Variants in GSG1L observed in about 807,000 individuals in gnomAD.
The protein encoded by GSG1L is germ cell-specific gene 1-like protein.
A neutral mutation model predicts 42.1 loss-of-function variants in GSG1L; 24 were observed. That is an observed-to-expected ratio of 0.57 (90% CI 0.41 to 0.80). The LOEUF (loss-of-function observed/expected upper bound fraction) is 0.80, where lower values mean the gene tolerates loss of function less well. Among genes scored for constraint, GSG1L ranks in the 30% least tolerant of loss-of-function variants. The probability of loss-of-function intolerance (pLI) is 0.00; values close to 1 mark genes in which losing one functional copy is unlikely to be tolerated. For synonymous variants in GSG1L, 215 were observed against 203.5 expected, an observed-to-expected ratio of 1.06 and a Z score of -0.48; for missense variants, 445 against 472.2, an observed-to-expected ratio of 0.94 and a Z score of 0.53.
chr16:27,948,609 CTTT>C (rs202151239), intron 2 of GSG1L, among the ~76,000 whole-genome samples: 1 of 116,602 alleles, frequency 8.6e-6, no homozygotes, highest in Admixed American at 9.5e-5. Context: ...TCTTCTTCTT[CTTT>C]TTTTTTTTTT....
At chr16:28,018,079 T>C (rs2085800173) in intron 1 of GSG1L, among the ~76,000 whole-genome samples, 1 of 152,216 alleles carries the variant, frequency 6.6e-6, no homozygotes, top group South Asian at 2.1e-4. Context: ...CCCAGAAATA[T>C]GATAGAGCCA....
intron 5 of GSG1L, among the ~76,000 whole-genome samples, chr16:27,818,205 G>A (rs575750377): frequency 5.3e-5 from 8 of 152,288 alleles, no homozygotes; most frequent in Middle Eastern, 3.4e-3. Context: ...CCTCCTTCCC[G>A]CCTCTGAAGC....
In GSG1L at chr16:27,896,501, A is replaced by G. The variant is rs146296579; in HGVS notation, c.398-11863T>C. On this transcript the variant is annotated intron_variant, in intron 2 of 6. Transcript: ENST00000447459. ...GGGTTGATGGGTGCAGCAAACCACC[A>G]TGGCACACGTTTACCTATGTAACAA... Among the ~76,000 whole-genome samples, 479 of 152,344 alleles carry G rather than the reference A, an allele frequency of 3.1e-3. 2 individuals carry two copies. Among genetic ancestry groups the G allele is most frequent in the African/African-American group, 0.011 (450 of 41,574 alleles).
intron 1 of GSG1L, among the ~76,000 whole-genome samples, chr16:28,008,096 T>C (rs1419401719): frequency 2.0e-5 from 3 of 152,138 alleles, no homozygotes; most frequent in African/African-American, 7.2e-5. Flanking sequence ...GTTTTTGTTT[T>C]TTTAGAGATT....
At chr16:27,907,696 A>G (rs756871178) in intron 2 of GSG1L, among the ~76,000 whole-genome samples, 7 of 152,360 alleles carry the variant, frequency 4.6e-5, no homozygotes, top group East Asian at 3.8e-4. Flanking sequence ...GCCAAGGCCA[A>G]TTATATCCCA....
At chr16:27,888,927 G>GATAGATATAGATGTAGAT (rs2084088162) in intron 2 of GSG1L, among the ~76,000 whole-genome samples, 1 of 142,110 alleles carries the variant, frequency 7.0e-6, no homozygotes, top group Non-Finnish European at 1.5e-5. Flanking sequence ...CTTGTGCTTA[G>GATAGATATAGATGTAGAT]ATAGATATAG....
At chr16:27,833,267 C>T (rs957346097) in intron 4 of GSG1L, among the ~76,000 whole-genome samples, 7 of 152,112 alleles carry the variant, frequency 4.6e-5, no homozygotes, top group Admixed American at 4.6e-4. Flanking sequence ...ACACAGTGAA[C>T]TGATTTGTAC....
intron 6 of GSG1L, among the ~76,000 whole-genome samples, chr16:27,794,789 G>A (rs2082799715): frequency 6.6e-6 from 1 of 152,172 alleles, no homozygotes; most frequent in Admixed American, 6.5e-5. Flanking sequence ...CCCAGCCTGT[G>A]TCTTCGTTCC....
chr16:27,822,101 G>A (rs904890576), intron 5 of GSG1L, among the ~76,000 whole-genome samples: 5 of 151,900 alleles, frequency 3.3e-5, no homozygotes, highest in African/African-American at 4.8e-5. Flanking sequence ...TGAGGGGGGC[G>A]GGGGCAGGGA....
intron 1 of GSG1L, among the ~76,000 whole-genome samples, chr16:28,024,123 C>T (rs185142980): frequency 1.3e-5 from 2 of 152,280 alleles, no homozygotes; most frequent in East Asian, 1.9e-4. Context: ...TGCCAAGATA[C>T]GAGGTTTTGC....
intron 2 of GSG1L, among the ~76,000 whole-genome samples, chr16:27,939,744 A>AG (rs2084764921): frequency 6.6e-6 from 1 of 152,210 alleles, no homozygotes; most frequent in African/African-American, 2.4e-5. Flanking sequence ...GGACCGAGGA[A>AG]GGGATGTCAG....
chr16:27,896,708 A>G (rs978042552), intron 2 of GSG1L, among the ~76,000 whole-genome samples: 7 of 152,218 alleles, frequency 4.6e-5, no homozygotes, highest in Admixed American at 1.3e-4. Flanking sequence ...AGAGACAGAG[A>G]AGGAGATGCA....
At chr16:27,829,160 C>T (rs1223923285) in intron 4 of GSG1L, among the ~76,000 whole-genome samples, 1 of 152,182 alleles carries the variant, frequency 6.6e-6, no homozygotes, top group Non-Finnish European at 1.5e-5. Flanking sequence ...CATTGTGATG[C>T]AGATGTAACA....
intron 1 of GSG1L, among the ~76,000 whole-genome samples, chr16:28,060,451 T>C (rs1422122722): frequency 2.6e-5 from 4 of 152,134 alleles, no homozygotes; most frequent in Admixed American, 2.6e-4. Context: ...GAGAGGAAAA[T>C]TGTGATTTTG....
At chr16:27,802,455 G>A (rs768686229) in intron 6 of GSG1L, among the ~76,000 whole-genome samples, 2 of 152,188 alleles carry the variant, frequency 1.3e-5, no homozygotes, top group South Asian at 2.1e-4. Flanking sequence ...AGGGAATGAC[G>A]GCCATCCCTG....
At chr16:28,037,452 C>A (rs1008296710) in intron 1 of GSG1L, among the ~76,000 whole-genome samples, 1 of 152,216 alleles carries the variant, frequency 6.6e-6, no homozygotes, top group African/African-American at 2.4e-5. Flanking sequence ...TCCAGTTCAT[C>A]AATGTCCCTC....
chr16:28,040,131 T>C lies in GSG1L; in HGVS notation c.349+22945A>G, dbSNP rs1483723541. ...TCACCCTTCTCCACACCCATCACCA[T>C]GGCCCTAGCTGCCATCGTCTCCTTC... On this transcript the variant is annotated intron_variant, in intron 1 of 6. Transcript: ENST00000447459. The surrounding 1 kb of genome is among the most constrained non-coding windows in gnomAD (Gnocchi z 4.1). Among the ~76,000 whole-genome samples the C allele has an allele frequency of 6.6e-6, 1 of 152,130 alleles. No homozygotes were observed. Among genetic ancestry groups the C allele is most frequent in the African/African-American group, 2.4e-5 (1 of 41,412 alleles).
At chr16:27,926,083 C>T (rs2084588921) in intron 2 of GSG1L, among the ~76,000 whole-genome samples, 1 of 152,170 alleles carries the variant, frequency 6.6e-6, no homozygotes, top group Admixed American at 6.5e-5. Context: ...GAAAAACAGT[C>T]TTCATGAATA....
chr16:27,888,464 C>CTTTCT (rs59650383), intron 2 of GSG1L, among the ~76,000 whole-genome samples: 1 of 10,986 alleles, frequency 9.1e-5, no homozygotes, highest in African/African-American at 2.0e-4. Flanking sequence ...TTCTTTCTTT[C>CTTTCT]TCTCTCTCTC....
Sources: allele counts gnomAD v4.1 joint callset (sites outside exome capture counted in the v4.1 genomes callset), GRCh38; gene constraint gnomAD v4.1.1; non-coding constraint Gnocchi (gnomAD v3.1); transcripts MANE v1.5; gene names NCBI Gene and HGNC (gene_info 2026-07-23, HGNC 2026-07-21).